HS2ST1: variants seen among roughly 807,000 people sequenced by gnomAD.
The protein encoded by HS2ST1 is heparan sulfate 2-O-sulfotransferase 1.
A neutral mutation model predicts 42.9 loss-of-function variants in HS2ST1; 18 were observed. That is an observed-to-expected ratio of 0.42 (90% confidence interval 0.29 to 0.62). The LOEUF (loss-of-function observed/expected upper bound fraction) is 0.62. Among genes scored for constraint, HS2ST1 ranks in the 20% least tolerant of loss-of-function variants. The probability of loss-of-function intolerance (pLI) is 0.21; values close to 1 mark genes in which losing one functional copy is unlikely to be tolerated. For synonymous variants in HS2ST1, 146 were observed against 152.9 expected (o/e 0.95, Z 0.33); for missense variants, 334 against 433.8 (o/e 0.77, Z 2.04).
intron 1 of HS2ST1, among the ~76,000 whole-genome samples, chr1:87,016,288 A>G (rs892930906): frequency 3.3e-5 from 5 of 152,232 alleles, no homozygotes; most frequent in African/African-American, 1.2e-4. Flanking sequence ...ATCTTGGTTT[A>G]TCATCAGGAT....
chr1:86,996,963 C>CATAT (rs71725249), intron 1 of HS2ST1, among the ~76,000 whole-genome samples: 33 of 151,312 alleles, frequency 2.2e-4, no homozygotes, highest in African/African-American at 7.8e-4. Context: ...AACGTTAGGC[C>CATAT]ATATATATAT....
chr1:87,042,630 G>A (rs541782924), intron 1 of HS2ST1, among the ~76,000 whole-genome samples: 165 of 152,058 alleles, frequency 1.1e-3, no homozygotes, highest in African/African-American at 3.4e-3. Context: ...CAATGCCTGC[G>A]AGGCATAACT....
intron 1 of HS2ST1, among the ~76,000 whole-genome samples, chr1:86,954,788 T>G (rs1018770979): frequency 6.6e-6 from 1 of 152,192 alleles, no homozygotes; most frequent in Non-Finnish European, 1.5e-5. Context: ...GTCAAGTTTT[T>G]TAGCATCAGG....
intron 1 of HS2ST1, among the ~76,000 whole-genome samples, chr1:86,980,496 T>A (rs1461960540): frequency 6.6e-6 from 1 of 152,142 alleles, no homozygotes; most frequent in East Asian, 1.9e-4. Flanking sequence ...AACTAAAATT[T>A]CTTCAGTGTG....
intron 1 of HS2ST1, among the ~76,000 whole-genome samples, chr1:87,044,621 T>C (rs1170126751): frequency 6.6e-6 from 1 of 152,188 alleles, no homozygotes; most frequent in Non-Finnish European, 1.5e-5. Context: ...CCACAATATT[T>C]TGAAACTGTT....
intron 1 of HS2ST1, among the ~76,000 whole-genome samples, chr1:86,951,378 G>T (rs558088266): frequency 6.6e-6 from 1 of 152,104 alleles, no homozygotes; most frequent in African/African-American, 2.4e-5. Context: ...CCAGAGCACC[G>T]AAATAAGGCA....
intron 1 of HS2ST1, among the ~76,000 whole-genome samples, chr1:87,007,975 A>C (rs1183889295): frequency 6.6e-6 from 1 of 152,136 alleles, no homozygotes; most frequent in South Asian, 2.1e-4. Flanking sequence ...TTTTTAAAAA[A>C]TTTTATTTGT....
chr1:87,073,282 G>T, intron 2 of HS2ST1, 110 bp downstream of exon 2: 1 of 747,910 alleles, frequency 1.3e-6, no homozygotes, highest in Non-Finnish European at 2.3e-6. Context: ...GATCTCAGTG[G>T]ATCATAAGCC....
At chr1:87,056,218 T>G (rs1335516927) in intron 1 of HS2ST1, among the ~76,000 whole-genome samples, 1 of 152,200 alleles carries the variant, frequency 6.6e-6, no homozygotes, top group African/African-American at 2.4e-5. Context: ...TGAAGCAAGA[T>G]TGCCTCTCGT....
chr1:86,942,580 A>G (rs1467006061), intron 1 of HS2ST1, among the ~76,000 whole-genome samples: 1 of 152,160 alleles, frequency 6.6e-6, no homozygotes, highest in Non-Finnish European at 1.5e-5. Flanking sequence ...AATATTTTGT[A>G]TTATTTCTGA....
chr1:86,935,226 A>T (rs191523984), intron 1 of HS2ST1, among the ~76,000 whole-genome samples: 1 of 151,996 alleles, frequency 6.6e-6, no homozygotes, highest in East Asian at 1.9e-4. Flanking sequence ...ATTCTTTAGT[A>T]TCTGGTAGGG....
chr1:87,011,941 A>T (rs948936215), intron 1 of HS2ST1, among the ~76,000 whole-genome samples: 46 of 152,368 alleles, frequency 3.0e-4, no homozygotes, highest in African/African-American at 1.1e-3. Flanking sequence ...GAAGGTTAAC[A>T]TGAAATCTTG....
chr1:87,031,340 A>G (rs1650233341), intron 1 of HS2ST1, among the ~76,000 whole-genome samples: 1 of 152,218 alleles, frequency 6.6e-6, no homozygotes, highest in African/African-American at 2.4e-5. Context: ...GAGTCTCTAG[A>G]GGCAAAACTC....
intron 1 of HS2ST1, among the ~76,000 whole-genome samples, chr1:86,974,404 C>T (rs1648327738): frequency 1.3e-5 from 2 of 152,208 alleles, no homozygotes; most frequent in Admixed American, 1.3e-4. Context: ...CCTTGCCTTA[C>T]ACATCTCTTC....
intron 1 of HS2ST1, among the ~76,000 whole-genome samples, chr1:87,007,831 TTTA>T (rs1251381278): frequency 3.9e-5 from 6 of 152,198 alleles, no homozygotes; most frequent in Non-Finnish European, 7.4e-5. Flanking sequence ...AAGTGCTGTG[TTTA>T]TTATTTTCTG....
intron 1 of HS2ST1, among the ~76,000 whole-genome samples, chr1:86,964,740 C>T (rs989223298): frequency 3.3e-5 from 5 of 152,204 alleles, no homozygotes; most frequent in Non-Finnish European, 4.4e-5. Flanking sequence ...TACACACAGA[C>T]ACACATGTAT....
chr1:86,981,855 G>A (rs1319753593), intron 1 of HS2ST1, among the ~76,000 whole-genome samples: 1 of 152,242 alleles, frequency 6.6e-6, no homozygotes, highest in Non-Finnish European at 1.5e-5. Flanking sequence ...AGCTCAACTA[G>A]GCAGTGCCCC....
intron 1 of HS2ST1, among the ~76,000 whole-genome samples, chr1:87,027,902 C>T (rs570729019): frequency 6.6e-6 from 1 of 152,326 alleles, no homozygotes; most frequent in African/African-American, 2.4e-5. Context: ...GTTGGCCAGG[C>T]TGGTCTTAAA....
intron 1 of HS2ST1, among the ~76,000 whole-genome samples, chr1:86,977,618 A>G (rs1290045612): frequency 6.6e-6 from 1 of 152,228 alleles, no homozygotes; most frequent in East Asian, 1.9e-4. Context: ...TAAAAGGAAG[A>G]TACTCACTTA....
Sources: gnomAD v4.1 joint callset for allele counts (sites outside exome capture counted in the v4.1 genomes callset) on GRCh38, gnomAD v4.1.1 for gene constraint, MANE v1.5 for transcripts, NCBI Gene and HGNC (gene_info 2026-07-23, HGNC 2026-07-21) for gene names.